Variants in NRXN3 observed in about 807,000 individuals in gnomAD.
NRXN3 encodes neurexin 3.
Under a neutral mutation model 137.6 loss-of-function variants are expected in NRXN3, and 32 were observed. The ratio of observed to expected loss-of-function variants is 0.23; its 90% confidence interval spans 0.18 to 0.31. NRXN3 has a LOEUF of 0.31. NRXN3 is among the 10% of genes least tolerant of loss of function. NRXN3 has a pLI of 1.00. For synonymous variants in NRXN3, 798 were observed against 784.5 expected (o/e 1.02, Z -0.29); for missense variants, 1,574 against 2,062.5 (o/e 0.76, Z 4.59).
intron 10 of NRXN3, among the ~76,000 whole-genome samples, chr14:78,825,069 A>C (rs1307524365): frequency 6.6e-6 from 1 of 152,048 alleles, no homozygotes; most frequent in African/African-American, 2.4e-5. Context: ...TGCACATATC[A>C]AATTCTAGGT....
intron 10 of NRXN3, among the ~76,000 whole-genome samples, chr14:78,812,462 A>G (rs547655750): frequency 6.6e-6 from 1 of 152,280 alleles, no homozygotes; most frequent in South Asian, 2.1e-4. Flanking sequence ...ACTTATTTGG[A>G]GAACAGGGAA....
chr14:79,401,841 C>T (rs2197989), intron 15 of NRXN3, among the ~76,000 whole-genome samples: 113,912 of 150,548 alleles, frequency 0.76, 43,286 homozygotes, highest in Middle Eastern at 0.87. Context: ...TTTTAGTTTT[C>T]CTGGTAATGA....
At chr14:78,696,715 ATTAATAGTGCCTCCTTCTTT>A (rs776150443) in intron 6 of NRXN3, among the ~76,000 whole-genome samples, 1 of 152,072 alleles carries the variant, frequency 6.6e-6, no homozygotes, top group Non-Finnish European at 1.5e-5. Flanking sequence ...CAGGTGAATT[ATTAATAGTGCCTCCTTCTTT>A]TATTCTCAAA....
chr14:79,752,723 C>G (rs1341965985), intron 19 of NRXN3, among the ~76,000 whole-genome samples: 2 of 151,960 alleles, frequency 1.3e-5, no homozygotes, highest in Non-Finnish European at 2.9e-5. Flanking sequence ...CAAATGGGAT[C>G]TAATTAAACT....
chr14:78,998,882 G>C (rs549761533), intron 15 of NRXN3, among the ~76,000 whole-genome samples: 8 of 151,778 alleles, frequency 5.3e-5, no homozygotes, highest in Admixed American at 4.6e-4. Flanking sequence ...GGGATTACAG[G>C]CGTACATTAC....
chr14:79,441,077 TATG>T (rs1333335472), intron 15 of NRXN3, among the ~76,000 whole-genome samples: 1 of 152,214 alleles, frequency 6.6e-6, no homozygotes, highest in Non-Finnish European at 1.5e-5. Flanking sequence ...TAATTAACAA[TATG>T]ATCAGTACTG....
intron 5 of NRXN3, among the ~76,000 whole-genome samples, chr14:78,650,032 A>C (rs2097725170): frequency 6.8e-6 from 1 of 148,090 alleles, no homozygotes; most frequent in Non-Finnish European, 1.5e-5. Context: ...ATTTTTCCCC[A>C]CTCTTCATTC....
At chr14:79,764,548 A>G (rs2099049827) in intron 19 of NRXN3, among the ~76,000 whole-genome samples, 1 of 152,168 alleles carries the variant, frequency 6.6e-6, no homozygotes, top group Admixed American at 6.6e-5. Context: ...TAGGGAGGGA[A>G]TCCACTGCAG....
chr14:79,769,563 A>G (rs888918528), intron 19 of NRXN3, among the ~76,000 whole-genome samples: 23 of 152,138 alleles, frequency 1.5e-4, no homozygotes, highest in Non-Finnish European at 3.2e-4. Context: ...CTTTACAGAC[A>G]AGCAAATGCT....
At chr14:78,515,958 A>C (rs774472914) in intron 4 of NRXN3, among the ~76,000 whole-genome samples, 1 of 152,116 alleles carries the variant, frequency 6.6e-6, no homozygotes, top group South Asian at 2.1e-4. Flanking sequence ...CAGTTTCCTC[A>C]TCTTTCAAAT....
In NRXN3 at chr14:78,521,457, A is replaced by T. The variant is rs2096282690; in HGVS notation, c.758-123663A>T. The stretch of plus-strand genomic sequence containing the variant: ...CTTTAATTCTTTTCTTAAAAGTCAC[A>T]TATACAGAGAGCTAATTGACCCATG... On this transcript the variant is annotated intron_variant, in intron 4 of 20. Transcript: ENST00000335750. Among the ~76,000 whole-genome samples the T allele has an allele frequency of 3.3e-5, 5 of 152,224 alleles. No individual in the cohort carries two copies. In the South Asian group the frequency reaches 1.0e-3, roughly 31 times the overall value.
intron 4 of NRXN3, among the ~76,000 whole-genome samples, chr14:78,579,051 G>A (rs1167757785): frequency 6.6e-6 from 1 of 152,154 alleles, no homozygotes; most frequent in Non-Finnish European, 1.5e-5. Flanking sequence ...TTCAGCTAGA[G>A]AGGGTTTAGG....
chr14:78,238,792 G>T (rs1297519548), intron 1 of NRXN3, among the ~76,000 whole-genome samples: 2 of 152,212 alleles, frequency 1.3e-5, no homozygotes. Context: ...GGGAATGGTG[G>T]TATCCCCCAG....
chr14:78,399,479 G>C (rs1259774661), intron 4 of NRXN3, among the ~76,000 whole-genome samples: 1 of 152,172 alleles, frequency 6.6e-6, no homozygotes, highest in Non-Finnish European at 1.5e-5. Context: ...TTGGAAATAC[G>C]AAGGTTCCCA....
At chr14:79,238,439 C>T (rs2153329266) in intron 15 of NRXN3, among the ~76,000 whole-genome samples, 1 of 152,124 alleles carries the variant, frequency 6.6e-6, no homozygotes, top group South Asian at 2.1e-4. Flanking sequence ...TTGAATGGAT[C>T]TAGGGCCCAG....
chr14:79,571,930 A>G (rs2097607219), intron 16 of NRXN3, among the ~76,000 whole-genome samples: 1 of 152,054 alleles, frequency 6.6e-6, no homozygotes, highest in South Asian at 2.1e-4. Flanking sequence ...AACTCAAACT[A>G]TTTCCCTACA....
At chr14:79,803,571 C>T (rs568065869) in intron 19 of NRXN3, among the ~76,000 whole-genome samples, 1 of 152,026 alleles carries the variant, frequency 6.6e-6, no homozygotes. Flanking sequence ...TTCATTTTAA[C>T]TTCATTACCT....
At chr14:79,806,191 T>C (rs191171634) in intron 20 of NRXN3, among the ~76,000 whole-genome samples, 4 of 152,352 alleles carry the variant, frequency 2.6e-5, no homozygotes, top group Non-Finnish European at 5.9e-5. Context: ...TGCATTGCTT[T>C]CAGATTTTTT....
At chr14:79,452,419 C>T (rs2096189855) in intron 15 of NRXN3, among the ~76,000 whole-genome samples, 1 of 152,158 alleles carries the variant, frequency 6.6e-6, no homozygotes, top group South Asian at 2.1e-4. Flanking sequence ...CATGTCATAT[C>T]TGTACTATTG....
Sources: gnomAD v4.1 joint callset for allele counts (sites outside exome capture counted in the v4.1 genomes callset) on GRCh38, gnomAD v4.1.1 for gene constraint, MANE v1.5 for transcripts, NCBI Gene and HGNC (gene_info 2026-07-23, HGNC 2026-07-21) for gene names.